The following MAD1L1 variants were observed in gnomAD, a reference collection of about 807,000 sequenced individuals.
MAD1L1 encodes mitotic spindle assembly checkpoint protein MAD1.
A neutral mutation model predicts 96.9 loss-of-function variants in MAD1L1; 95 were observed. The ratio of observed to expected loss-of-function variants is 0.98; its 90% confidence interval spans 0.83 to 1.16. The LOEUF is 1.16. Among genes scored for constraint, MAD1L1 ranks in the 50% most tolerant of loss-of-function variants. The pLI is 0.00. For missense variants in MAD1L1, 1,007 were observed against 954.4 expected (o/e 1.06, Z -0.73); for synonymous variants, 473 against 396.6 (o/e 1.19, Z -2.29).
chr7:2,064,727 A>T lies in MAD1L1; in HGVS notation c.1218+4467T>A, dbSNP rs558604480. ...GGAGGACAGCGGCTTCTCCCAGAGG[A>T]TACCAGATTCTCCTGGGAGGATGAG... is the stretch of plus-strand genomic sequence containing the variant. On this transcript the variant is annotated intron_variant, in intron 12 of 18. Transcript: ENST00000265854. Among the ~76,000 whole-genome samples the T allele has an allele frequency of 1.2e-3, 174 of 150,412 alleles. 1 individual carries two copies. The highest frequency in any genetic ancestry group is 4.1e-3 in the African/African-American group (166 of 40,766).
chr7:1,971,900 T>C (rs1780422076), intron 15 of MAD1L1, among the ~76,000 whole-genome samples: 1 of 152,202 alleles, frequency 6.6e-6, no homozygotes, highest in African/African-American at 2.4e-5. Flanking sequence ...GCGCTGGAAC[T>C]GCAGGGCTGG....
At chr7:1,986,980 C>T (rs1262054182) in intron 14 of MAD1L1, among the ~76,000 whole-genome samples, 1 of 152,100 alleles carries the variant, frequency 6.6e-6, no homozygotes, top group East Asian at 1.9e-4. Context: ...CTCACCCCTA[C>T]ATCCCCCTCC....
At chr7:1,883,329 C>T (rs1359085028) in intron 18 of MAD1L1, among the ~76,000 whole-genome samples, 3 of 152,160 alleles carry the variant, frequency 2.0e-5, no homozygotes, top group Non-Finnish European at 4.4e-5. Flanking sequence ...CACAAATGAC[C>T]CCTGGTATGT....
At chr7:1,876,077 T>G (rs1785372854) in intron 18 of MAD1L1, among the ~76,000 whole-genome samples, 1 of 152,112 alleles carries the variant, frequency 6.6e-6, no homozygotes, top group Admixed American at 6.5e-5. Context: ...CCCCCCGCCG[T>G]GGGGCTCTGT....
chr7:1,830,854 G>T (rs1172090579), intron 18 of MAD1L1, among the ~76,000 whole-genome samples: 4 of 152,110 alleles, frequency 2.6e-5, no homozygotes, highest in African/African-American at 9.7e-5. Context: ...AGGACAGACA[G>T]GACAAACAGA....
At chr7:2,068,810 C>A (rs1745551734) in intron 12 of MAD1L1, among the ~76,000 whole-genome samples, 1 of 152,194 alleles carries the variant, frequency 6.6e-6, no homozygotes, top group South Asian at 2.1e-4. Context: ...TCATCCCAAG[C>A]CCAGGCCAAG....
intron 10 of MAD1L1, among the ~76,000 whole-genome samples, chr7:2,212,882 A>C (rs1054316417): frequency 6.6e-6 from 1 of 152,168 alleles, no homozygotes; most frequent in Non-Finnish European, 1.5e-5. Context: ...TTTCCCCCAA[A>C]AGCAATTATT....
At chr7:1,885,771 C>A (rs946548126) in intron 18 of MAD1L1, among the ~76,000 whole-genome samples, 6 of 152,216 alleles carry the variant, frequency 3.9e-5, no homozygotes, top group African/African-American at 1.4e-4. Context: ...GCGCCCAGAG[C>A]CTCTCCCTGT....
intron 14 of MAD1L1, among the ~76,000 whole-genome samples, chr7:1,985,487 G>A (rs73041780): frequency 0.035 from 5,272 of 152,272 alleles, 194 homozygotes; most frequent in Admixed American, 0.098. Context: ...CCAGTCTACC[G>A]CACCTGGTGC....
At chr7:1,893,536 G>T (rs1786680812) in intron 18 of MAD1L1, among the ~76,000 whole-genome samples, 4 of 152,196 alleles carry the variant, frequency 2.6e-5, no homozygotes, top group African/African-American at 7.2e-5. Context: ...CCCAGGTGGA[G>T]TGGGTGGGGC....
rs114193606 is a variant in MAD1L1 at position 1,863,349 on chromosome 7, T to C, written c.1998+34851A>G. On this transcript the variant is annotated intron_variant, in intron 18 of 18. Transcript: ENST00000265854. ...GCAGAGAGCCTGTTAACAGTCTGGC[T>C]GCAGAAAGGCAGCTACCGGCAGGCC... 3.1e-3 allele frequency among the ~76,000 whole-genome samples: 479 copies of C among 152,334 alleles called. 3 individuals are homozygous for C. The highest frequency in any genetic ancestry group is 0.01 in the South Asian group (49 of 4,830).
chr7:2,021,638 G>A (rs774148052), intron 12 of MAD1L1, among the ~76,000 whole-genome samples: 7 of 152,054 alleles, frequency 4.6e-5, no homozygotes, highest in East Asian at 1.9e-4. Context: ...GGTAATAGGC[G>A]CCTGTAATCC....
chr7:2,132,035 CCAAG>C (rs1788534057), intron 11 of MAD1L1, among the ~76,000 whole-genome samples: 1 of 152,206 alleles, frequency 6.6e-6, no homozygotes, highest in African/African-American at 2.4e-5. Context: ...CCTCTCTTCT[CCAAG>C]CAGTCAGTGA....
chr7:2,043,410 G>A (rs948406153), intron 12 of MAD1L1, among the ~76,000 whole-genome samples: 4 of 152,260 alleles, frequency 2.6e-5, no homozygotes, highest in Admixed American at 2.0e-4. Context: ...GCAAGGAAGA[G>A]CTCTTTAATT....
chr7:1,929,408 G>C (rs988590395), intron 17 of MAD1L1, among the ~76,000 whole-genome samples: 1 of 152,176 alleles, frequency 6.6e-6, no homozygotes, highest in Non-Finnish European at 1.5e-5. Context: ...GACGTGGCAG[G>C]GGGGCTGAGT....
intron 17 of MAD1L1, among the ~76,000 whole-genome samples, chr7:1,925,474 T>C (rs1247486651): frequency 6.6e-6 from 1 of 152,310 alleles, no homozygotes; most frequent in East Asian, 1.9e-4. Flanking sequence ...AGGCACCAGC[T>C]TCTGGCAAGG....
At chr7:2,009,900 T>C (rs549739378) in intron 13 of MAD1L1, among the ~76,000 whole-genome samples, 1 of 151,804 alleles carries the variant, frequency 6.6e-6, no homozygotes, top group African/African-American at 2.4e-5. Context: ...GGAGCCCGGC[T>C]CAGCGCAGTT....
intron 18 of MAD1L1, among the ~76,000 whole-genome samples, chr7:1,852,452 T>C (rs1358053643): frequency 6.6e-6 from 1 of 152,088 alleles, no homozygotes; most frequent in African/African-American, 2.4e-5. Context: ...GAGTCCAGGC[T>C]CAGGATCCCT....
chr7:2,187,700 C>G (rs1791527237), intron 10 of MAD1L1, among the ~76,000 whole-genome samples: 1 of 152,204 alleles, frequency 6.6e-6, no homozygotes, highest in African/African-American at 2.4e-5. Flanking sequence ...ATAGAAAGCA[C>G]ATGTAAGACA....
Sources: gnomAD v4.1 joint callset for allele counts (sites outside exome capture counted in the v4.1 genomes callset) on GRCh38, gnomAD v4.1.1 for gene constraint, MANE v1.5 for transcripts, NCBI Gene and HGNC (gene_info 2026-07-23, HGNC 2026-07-21) for gene names.